SDK1: variants seen among roughly 807,000 people sequenced by gnomAD.
SDK1 encodes the protein protein sidekick-1.
In SDK1, 157 loss-of-function variants were observed where a neutral mutation model predicts 245.5. That is an observed-to-expected ratio of 0.64 (90% CI 0.56 to 0.73). The LOEUF (loss-of-function observed/expected upper bound fraction) is 0.73, where lower values mean the gene tolerates loss of function less well. Ranked by LOEUF, SDK1 falls within the 30% of genes least tolerant of loss-of-function variation. The pLI is 0.00. For synonymous variants in SDK1, 1,647 were observed against 1,278.5 expected (o/e 1.29, Z -6.15); for missense variants, 3,583 against 3,002.3 (o/e 1.19, Z -4.52).
chr7:3,624,308 T>A (rs1218270346), intron 2 of SDK1, among the ~76,000 whole-genome samples: 3 of 152,174 alleles, frequency 2.0e-5, no homozygotes, highest in Admixed American at 2.0e-4. Flanking sequence ...CAAGCAGTCC[T>A]CCTGCCTCAG....
chr7:3,521,420 T>TGTTA (rs58046721), intron 1 of SDK1, among the ~76,000 whole-genome samples: 40,468 of 151,900 alleles, frequency 0.27, 5,539 homozygotes, highest in East Asian at 0.34. Flanking sequence ...ACAGTGAGCC[T>TGTTA]GTTCTCATGT....
intron 1 of SDK1, among the ~76,000 whole-genome samples, chr7:3,603,484 G>C (rs1175996807): frequency 2.0e-5 from 3 of 151,470 alleles, no homozygotes; most frequent in Non-Finnish European, 4.4e-5. Context: ...CTCTCTGTTT[G>C]TCTGTTATTG....
At chr7:3,790,558 A>T (rs895060352) in intron 4 of SDK1, among the ~76,000 whole-genome samples, 3 of 152,226 alleles carry the variant, frequency 2.0e-5, no homozygotes, top group Non-Finnish European at 4.4e-5. Context: ...CTGTAATCCC[A>T]GCACTTTGGG....
At chr7:3,610,225 T>C (rs1781547378) in intron 1 of SDK1, among the ~76,000 whole-genome samples, 1 of 152,212 alleles carries the variant, frequency 6.6e-6, no homozygotes. Context: ...TGGCAGTACA[T>C]ATTTGCCGTA....
At chr7:3,624,285 A>T (rs1340419228) in intron 2 of SDK1, among the ~76,000 whole-genome samples, 2 of 152,170 alleles carry the variant, frequency 1.3e-5, no homozygotes, top group Non-Finnish European at 2.9e-5. Context: ...CTTCAGATTC[A>T]GCCTCCTGGG....
At chr7:4,229,226 A>C (rs1360396903) in intron 40 of SDK1, among the ~76,000 whole-genome samples, 7 of 152,200 alleles carry the variant, frequency 4.6e-5, no homozygotes, top group African/African-American at 1.4e-4. Context: ...ACCAGCTGCC[A>C]AATTTTTTTC....
chr7:4,180,637 G>C lies in SDK1; in HGVS notation c.5098+2051G>C, dbSNP rs574909850. Among the ~76,000 whole-genome samples the C allele has an allele frequency of 4.6e-5, 7 of 152,348 alleles. No individual in the cohort carries two copies. The South Asian group carries it at 1.5e-3, about 32-fold the overall frequency. On this transcript the variant is annotated intron_variant, in intron 35 of 44. Transcript: ENST00000404826. ...AGGGACGGGGTAATTTATAAGAAAAGACGTTTACTTGGCTCACAATTCTGC... is the reference window on the plus strand; with the variant it reads ...AGGGACGGGGTAATTTATAAGAAAACACGTTTACTTGGCTCACAATTCTGC...
At chr7:4,112,631 A>G (rs1783420478) in intron 23 of SDK1, among the ~76,000 whole-genome samples, 1 of 152,132 alleles carries the variant, frequency 6.6e-6, no homozygotes, top group Non-Finnish European at 1.5e-5. Flanking sequence ...TGATGACATC[A>G]ATTTCTGGAC....
intron 40 of SDK1, chr7:4,232,813 T>C (rs1785882637): frequency 6.5e-6 from 1 of 154,462 alleles, no homozygotes; most frequent in Non-Finnish European, 1.4e-5. Flanking sequence ...TTTTGCTCTG[T>C]GGCTGGAGAG....
At chr7:4,014,250 C>T (rs925072651) in intron 16 of SDK1, among the ~76,000 whole-genome samples, 5 of 152,176 alleles carry the variant, frequency 3.3e-5, no homozygotes, top group Admixed American at 6.5e-5. Flanking sequence ...TCTGATGTTA[C>T]GAGGCCACTT....
rs762539719 is a variant in SDK1, at chr7:3,967,362, A to G, written c.1474A>G (p.Thr492Ala). 5.6e-6 allele frequency: 9 copies of G among 1,614,152 alleles called. No homozygotes were observed. In the South Asian group the frequency reaches 8.8e-5, roughly 16 times the overall value. ...FTQRPVDTTVTDGMTAILRCE... is the reference protein window; with the variant it reads ...FTQRPVDTTVADGMTAILRCE... ...CCAGCGGCCAGTGGACACCACAGTT[A>G]CTGACGGGATGACAGCCATTCTAAG... Residue 492 changes from threonine (T) to alanine (A), a missense_variant, in exon 10 of 45, where the codon ACT becomes GCT. Physicochemically the swap from Thr to Ala is moderately conservative, Grantham distance 58. Transcript: ENST00000404826.
chr7:4,214,897 G>A (rs904968396), intron 38 of SDK1, among the ~76,000 whole-genome samples: 5 of 152,228 alleles, frequency 3.3e-5, no homozygotes, highest in African/African-American at 9.6e-5. Context: ...TCCGTGGTCC[G>A]GCTCCAGCCG....
intron 1 of SDK1, among the ~76,000 whole-genome samples, chr7:3,530,184 T>C (rs1344670842): frequency 1.3e-5 from 2 of 151,996 alleles, no homozygotes; most frequent in African/African-American, 4.8e-5. Flanking sequence ...TAGCAGTGAG[T>C]TTATTTGCAC....
intron 2 of SDK1, among the ~76,000 whole-genome samples, chr7:3,626,471 A>G (rs1177114017): frequency 6.6e-6 from 1 of 152,176 alleles, no homozygotes; most frequent in Non-Finnish European, 1.5e-5. Flanking sequence ...TCTCCTGCCC[A>G]TTTTAGGTAT....
At chr7:3,479,131 T>G (rs1781432721) in intron 1 of SDK1, among the ~76,000 whole-genome samples, 1 of 152,078 alleles carries the variant, frequency 6.6e-6, no homozygotes, top group African/African-American at 2.4e-5. Context: ...GCATATCTAT[T>G]GTTCAGGCTG....
chr7:4,019,566 C>T (rs938132515), intron 17 of SDK1, among the ~76,000 whole-genome samples: 4 of 152,004 alleles, frequency 2.6e-5, no homozygotes, highest in South Asian at 4.2e-4. Flanking sequence ...GTGATGAGAA[C>T]CTGACTTCGA....
intron 30 of SDK1, among the ~76,000 whole-genome samples, chr7:4,157,162 G>T (rs549010477): frequency 6.6e-6 from 1 of 152,108 alleles, no homozygotes; most frequent in Admixed American, 6.5e-5. Context: ...AGCATTGTCT[G>T]CACGGAAGAG....
intron 1 of SDK1, among the ~76,000 whole-genome samples, chr7:3,613,701 A>G (rs567990688): frequency 1.3e-5 from 2 of 152,214 alleles, no homozygotes; most frequent in Non-Finnish European, 2.9e-5. Context: ...ATATGTTCCC[A>G]ATAGCAATGA....
intron 4 of SDK1, among the ~76,000 whole-genome samples, chr7:3,741,987 CATATAT>C (rs142076799): frequency 2.0e-4 from 26 of 132,106 alleles, no homozygotes; most frequent in South Asian, 1.0e-3. Flanking sequence ...TTGTAGTGTG[CATATAT>C]ATATATATAT....
Sources: allele counts gnomAD v4.1 joint callset (sites outside exome capture counted in the v4.1 genomes callset), GRCh38; gene constraint gnomAD v4.1.1; transcripts MANE v1.5; gene names NCBI Gene and HGNC (gene_info 2026-07-23, HGNC 2026-07-21).